SUCLG2: variants seen among roughly 807,000 people sequenced by gnomAD.
The protein encoded by SUCLG2 is succinate-CoA ligase GDP-forming subunit beta.
In SUCLG2, 42 loss-of-function variants were observed where a neutral mutation model predicts 47.9. The ratio of observed to expected loss-of-function variants is 0.88; its 90% CI spans 0.69 to 1.14. The LOEUF is 1.14. SUCLG2 is among the 50% of genes most tolerant of loss of function. The probability of loss-of-function intolerance (pLI) is 0.00; values close to 1 mark genes in which losing one functional copy is unlikely to be tolerated. For missense variants in SUCLG2, 571 were observed against 525.9 expected (o/e 1.09, Z -0.84); for synonymous variants, 195 against 197.3 (o/e 0.99, Z 0.10).
intron 10 of SUCLG2, among the ~76,000 whole-genome samples, chr3:67,363,989 A>G (rs183531083): frequency 6.6e-6 from 1 of 152,328 alleles, no homozygotes; most frequent in Non-Finnish European, 1.5e-5. Context: ...AAGAAACTGG[A>G]GAAATGCCAA....
chr3:67,559,091 T>C (rs1312309699), intron 2 of SUCLG2, among the ~76,000 whole-genome samples: 2 of 152,190 alleles, frequency 1.3e-5, no homozygotes, highest in East Asian at 3.9e-4. Context: ...CTCTAAAGAA[T>C]ACCTTAACTA....
At chr3:67,635,317 A>C (rs1700990978) in intron 1 of SUCLG2, among the ~76,000 whole-genome samples, 1 of 152,200 alleles carries the variant, frequency 6.6e-6, no homozygotes, top group Non-Finnish European at 1.5e-5. Flanking sequence ...CTGCCTTTCA[A>C]AGCCCAACAA....
intron 2 of SUCLG2, among the ~76,000 whole-genome samples, chr3:67,574,637 G>A (rs1246740328): frequency 6.6e-6 from 1 of 152,072 alleles, no homozygotes; most frequent in East Asian, 1.9e-4. Context: ...AAATCTTCGA[G>A]ATGTGACTCA....
chr3:67,509,350 AAAC>A (rs1460318011), intron 6 of SUCLG2, among the ~76,000 whole-genome samples: 3 of 152,224 alleles, frequency 2.0e-5, no homozygotes, highest in Non-Finnish European at 4.4e-5. Context: ...ATAATCTGTG[AAAC>A]AACAATTACT....
intron 2 of SUCLG2, among the ~76,000 whole-genome samples, chr3:67,566,713 AC>A: frequency 6.6e-6 from 1 of 152,188 alleles, no homozygotes; most frequent in African/African-American, 2.4e-5. Context: ...AAACGCATAT[AC>A]CAGAAGTAAA....
chr3:67,444,095 TC>T (rs1703855567), intron 9 of SUCLG2, among the ~76,000 whole-genome samples: 1 of 96,242 alleles, frequency 1.0e-5, no homozygotes, highest in Non-Finnish European at 2.2e-5. Context: ...AGCCGCGCCG[TC>T]CGGGAGGGAG....
chr3:67,392,762 C>T (rs78126470), intron 10 of SUCLG2, among the ~76,000 whole-genome samples: 10,985 of 151,478 alleles, frequency 0.073, 405 homozygotes, highest in Middle Eastern at 0.14. Flanking sequence ...TAGGCAAAAC[C>T]GCTGGCATGT....
intron 10 of SUCLG2, among the ~76,000 whole-genome samples, chr3:67,386,481 T>C (rs1294840886): frequency 3.5e-5 from 5 of 141,112 alleles, no homozygotes; most frequent in African/African-American, 1.6e-4. Context: ...AATAAAGACA[T>C]ATCCAACACT....
intron 10 of SUCLG2, among the ~76,000 whole-genome samples, chr3:67,365,749 A>G (rs1701865645): frequency 6.6e-6 from 1 of 152,204 alleles, no homozygotes; most frequent in Non-Finnish European, 1.5e-5. Context: ...GTATCAGCAC[A>G]TTTAAGAGAA....
chr3:67,526,979 T>C (rs563988643), intron 4 of SUCLG2, among the ~76,000 whole-genome samples: 9 of 152,186 alleles, frequency 5.9e-5, no homozygotes, highest in Non-Finnish European at 1.2e-4. Flanking sequence ...TACATCCATA[T>C]CATAGATTGC....
intron 9 of SUCLG2, among the ~76,000 whole-genome samples, chr3:67,488,524 C>T (rs953037204): frequency 6.6e-6 from 1 of 152,220 alleles, no homozygotes; most frequent in East Asian, 1.9e-4. Flanking sequence ...CCTAAGTTCA[C>T]TACCCACATC....
intron 9 of SUCLG2, among the ~76,000 whole-genome samples, chr3:67,467,564 A>G (rs1425271190): frequency 6.6e-6 from 1 of 152,250 alleles, no homozygotes; most frequent in African/African-American, 2.4e-5. Context: ...TTGAACAAGT[A>G]TAGGATAGGA....
At chr3:67,517,481 G>C (rs1705975617) in intron 6 of SUCLG2, among the ~76,000 whole-genome samples, 1 of 152,118 alleles carries the variant, frequency 6.6e-6, no homozygotes, top group Admixed American at 6.5e-5. Context: ...CTGAGTAACA[G>C]AGGAAGGAAC....
intron 1 of SUCLG2, among the ~76,000 whole-genome samples, chr3:67,620,907 A>C (rs1700725892): frequency 6.6e-6 from 1 of 152,222 alleles, no homozygotes; most frequent in Non-Finnish European, 1.5e-5. Context: ...TTTAGACTTC[A>C]TTCACTCAGT....
chr3:67,469,919 C>T (rs969309639), intron 9 of SUCLG2, among the ~76,000 whole-genome samples: 1 of 151,910 alleles, frequency 6.6e-6, no homozygotes, highest in African/African-American at 2.4e-5. Context: ...GTGGTGCATG[C>T]CTGTAATCCC....
intron 4 of SUCLG2, among the ~76,000 whole-genome samples, chr3:67,526,269 A>G (rs1244534666): frequency 6.6e-6 from 1 of 152,180 alleles, no homozygotes; most frequent in African/African-American, 2.4e-5. Context: ...ATACACTAAC[A>G]CTAACAATAG....
In SUCLG2 at chr3:67,522,924, A is replaced by G. The variant is rs1393824128; in HGVS notation, c.418-2290T>C. On this transcript the variant is annotated intron_variant, in intron 4 of 10. Transcript: ENST00000307227. ...CGTGATCCGCCCGCCTCGGCCTCCC[A>G]AAGTGCTGGGATTACAGGCATGAGC... Among the ~76,000 whole-genome samples the G allele has an allele frequency of 3.9e-5, 6 of 151,942 alleles. No homozygotes were observed. The East Asian group carries it at 1.2e-3, about 29-fold the overall frequency.
intron 2 of SUCLG2, among the ~76,000 whole-genome samples, chr3:67,585,988 A>AC (rs1299158031): frequency 4.0e-5 from 2 of 49,428 alleles, no homozygotes; most frequent in Non-Finnish European, 1.2e-4. Context: ...AAAAAAAAAA[A>AC]AAACCAAACC....
chr3:67,386,696 CCAT>C (rs1309616307), intron 10 of SUCLG2, among the ~76,000 whole-genome samples: 1 of 152,184 alleles, frequency 6.6e-6, no homozygotes, highest in Non-Finnish European at 1.5e-5. Context: ...AAACCCACCA[CCAT>C]GATTCAATTA....
Sources: allele counts gnomAD v4.1 joint callset (sites outside exome capture counted in the v4.1 genomes callset), GRCh38; gene constraint gnomAD v4.1.1; transcripts MANE v1.5; gene names NCBI Gene and HGNC (gene_info 2026-07-23, HGNC 2026-07-21).